The following GSE1 variants were observed in gnomAD, a reference collection of about 807,000 sequenced individuals.
GSE1 encodes the protein Gse1 coiled-coil protein, also known as genetic suppressor element 1.
A neutral mutation model predicts 112.6 loss-of-function variants in GSE1; 32 were observed. That is an observed-to-expected ratio of 0.28 (90% CI 0.21 to 0.38). The LOEUF (loss-of-function observed/expected upper bound fraction) is 0.38, where lower values mean the gene tolerates loss of function less well. GSE1 is among the 10% of genes least tolerant of loss of function. The pLI is 1.00. For synonymous variants in GSE1, 1,115 were observed against 735.6 expected, an observed-to-expected ratio of 1.52 and a Z score of -8.35; for missense variants, 2,348 against 1,699.2, an observed-to-expected ratio of 1.38 and a Z score of -6.71.
At chr16:85,600,368 A>C (rs969893980) in intron 1 of GSE1, among the ~76,000 whole-genome samples, 15 of 151,940 alleles carry the variant, frequency 9.9e-5, no homozygotes, top group Non-Finnish European at 2.2e-4. Flanking sequence ...GGCCAAGGGG[A>C]GGGGCTGGGA....
At chr16:85,317,908 C>T (rs1005102685) in intron 1 of GSE1, among the ~76,000 whole-genome samples, 2 of 152,164 alleles carry the variant, frequency 1.3e-5, no homozygotes, top group Middle Eastern at 3.2e-3. Context: ...TGCCTCAGCC[C>T]GGGGTTCCTG....
At chr16:85,276,370 A>G (rs1909361550) in intron 1 of GSE1, among the ~76,000 whole-genome samples, 1 of 152,226 alleles carries the variant, frequency 6.6e-6, no homozygotes, top group South Asian at 2.1e-4. Flanking sequence ...CAGAGCTGGT[A>G]CGCACTGGAC....
chr16:85,656,790 G>T (rs755913972), intron 7 of GSE1, 125 bp downstream of exon 7: 2 of 1,329,086 alleles, frequency 1.5e-6, no homozygotes, highest in South Asian at 1.5e-5. Context: ...CCCTAAAAGC[G>T]TGGTGTGGCT....
chr16:85,429,039 A>C lies in GSE1; in HGVS notation c.2464+71396A>C, dbSNP rs183172748. Reference sequence around the variant, plus strand: ...CACAACGCACACATACAACACGTGCACATACATGGGGCGCCTACAGCTCCG... The same window carrying C: ...CACAACGCACACATACAACACGTGCCCATACATGGGGCGCCTACAGCTCCG... On this transcript the variant is annotated intron_variant, in intron 2 of 2. Coordinates refer to the GSE1 transcript ENST00000637419. Among the ~76,000 whole-genome samples, 104 of 152,342 alleles carry C rather than the reference A, an allele frequency of 6.8e-4. 1 individual carries two copies. The highest frequency in any genetic ancestry group is 1.2e-3 in the Non-Finnish European group (85 of 68,022).
intron 8 of GSE1, among the ~76,000 whole-genome samples, chr16:85,658,151 T>A (rs778765655): frequency 1.3e-5 from 2 of 152,146 alleles, no homozygotes; most frequent in Admixed American, 6.5e-5. Flanking sequence ...CAGACACAGG[T>A]CTTATGAGCT....
At chr16:85,450,967 G>T (rs145248871) in intron 2 of GSE1, among the ~76,000 whole-genome samples, 2,943 of 150,962 alleles carry the variant, frequency 0.019, 92 homozygotes, top group East Asian at 0.16. Flanking sequence ...CCAGCTACTA[G>T]GGAGGCCAAG....
At chr16:85,603,968 C>T (rs907394784) in intron 1 of GSE1, among the ~76,000 whole-genome samples, 3 of 152,072 alleles carry the variant, frequency 2.0e-5, no homozygotes, top group Non-Finnish European at 2.9e-5. Flanking sequence ...TAAAGAAAAG[C>T]GGTATAATTG....
intron 1 of GSE1, among the ~76,000 whole-genome samples, chr16:85,237,971 T>TTGAA (rs528777934): frequency 1.4e-3 from 207 of 151,964 alleles, no homozygotes; most frequent in African/African-American, 3.1e-3. Flanking sequence ...TCATCACTAG[T>TTGAA]TGAATGAATG....
At chr16:85,256,592 G>C (rs1907106945) in intron 1 of GSE1, among the ~76,000 whole-genome samples, 1 of 152,246 alleles carries the variant, frequency 6.6e-6, no homozygotes, top group South Asian at 2.1e-4. Flanking sequence ...CCCGGCCTTG[G>C]CTTACGCTGT....
At chr16:85,200,775 G>A (rs1484990358) in intron 1 of GSE1, among the ~76,000 whole-genome samples, 5 of 152,142 alleles carry the variant, frequency 3.3e-5, no homozygotes, top group East Asian at 1.9e-4. Context: ...CTATTTTTAC[G>A]TGTACAGTTC....
At chr16:85,382,757 A>G (rs2047576995) in intron 2 of GSE1, among the ~76,000 whole-genome samples, 1 of 151,558 alleles carries the variant, frequency 6.6e-6, no homozygotes, top group Non-Finnish European at 1.5e-5. Context: ...GCATGTGCAC[A>G]CACATGTATG....
upstream of GSE1, chr16:85,611,512 G>C: frequency 2.0e-6 from 2 of 982,788 alleles, no homozygotes; most frequent in South Asian, 9.4e-5. Context: ...CGCCGTGCCA[G>C]GGCCGGCCAG....
At chr16:85,252,377 C>T (rs1906584277) in intron 1 of GSE1, among the ~76,000 whole-genome samples, 1 of 152,236 alleles carries the variant, frequency 6.6e-6, no homozygotes, top group South Asian at 2.1e-4. Context: ...TCCTCCCTCC[C>T]CTTGTTGCTT....
intron 1 of GSE1, among the ~76,000 whole-genome samples, chr16:85,279,613 GTCAA>G (rs368302489): frequency 3.3e-5 from 5 of 151,980 alleles, no homozygotes; most frequent in East Asian, 1.9e-4. Flanking sequence ...CAATCAGTCA[GTCAA>G]TCAATCAATC....
intron 15 of GSE1, 72 bp from the exon 16 acceptor site, chr16:85,672,333 A>ATGTT (rs1186588925): frequency 5.3e-6 from 6 of 1,123,906 alleles, no homozygotes; most frequent in African/African-American, 3.1e-5. Context: ...TCCATCCAGC[A>ATGTT]TGTTTGTACT....
Position 85,657,419 on chromosome 16 carries a change from C to T in GSE1, c.1455C>T (p.Ala485=). 1 of 1,612,666 alleles carries T rather than the reference C, an allele frequency of 6.2e-7. No homozygotes were observed. The highest frequency in any genetic ancestry group is 1.3e-5 in the African/African-American group (1 of 75,046). ...TGCCTAGCAGCAGTGCTGCCACAGCCCTGCTGATCCAGCGCACCAATGAGG... is the reference window on the plus strand; with the variant it reads ...TGCCTAGCAGCAGTGCTGCCACAGCTCTGCTGATCCAGCGCACCAATGAGG... The part of the protein sequence containing the change: ...FSLPSSSAAT[A]LLIQRTNEEE... Residue 485 remains alanine, a synonymous_variant, in exon 8 of 16, where the codon GCC becomes GCT. Coordinates refer to ENST00000253458, the MANE Select transcript of GSE1 (RefSeq NM_014615.5).
chr16:85,169,699 C>T lies in GSE1; in HGVS notation c.175C>T (p.Gln59Ter), dbSNP rs1368301321. 1.0e-6 allele frequency: 1 copy of T among 983,190 alleles called. No homozygotes were observed. Among genetic ancestry groups the T allele is most frequent in the Non-Finnish European group, 1.2e-6 (1 of 829,032 alleles). 60.9% of individuals were successfully genotyped at this position (983,190 alleles called of 1,614,324 possible). The change falls in exon 1 of 3, where the codon CAG becomes TAG. Residue 59 changes from glutamine to a stop codon, truncating the protein, a stop_gained. Transcript: ENST00000637419. LOFTEE classifies it high-confidence loss of function. ...GGCGGCGGGCGCGGGGACCCCGGCG[C>T]AGCCCTTCTTCCCGTTCCTGCAGCA...
Position 85,538,771 on chromosome 16 carries a change from C to T in GSE1, c.2465-95143C>T, listed in dbSNP as rs111347453. On this transcript the variant is annotated intron_variant, in intron 2 of 2. Coordinates refer to the GSE1 transcript ENST00000637419. ...GGGAGCAGGCTCGGTGCCCCACTGC[C>T]GCTCTCTGGACACCCAGGATTTAAG... is the stretch of plus-strand genomic sequence containing the variant. 5.3e-4 allele frequency among the ~76,000 whole-genome samples: 80 copies of T among 152,308 alleles called. 1 individual carries two copies. The highest frequency in any genetic ancestry group is 1.7e-3 in the African/African-American group (72 of 41,572).
chr16:85,268,131 A>G (rs1057340819), intron 1 of GSE1, among the ~76,000 whole-genome samples: 3 of 152,010 alleles, frequency 2.0e-5, no homozygotes, highest in Admixed American at 1.3e-4. Context: ...GTATTTCGTG[A>G]CACAGTGCTG....
Sources: allele counts gnomAD v4.1 joint callset (sites outside exome capture counted in the v4.1 genomes callset), GRCh38; gene constraint gnomAD v4.1.1; transcripts MANE v1.5; gene names NCBI Gene and HGNC (gene_info 2026-07-23, HGNC 2026-07-21).